Variants in PPP1R14C observed in about 807,000 individuals in gnomAD.
The protein encoded by PPP1R14C is protein phosphatase 1 regulatory subunit 14C.
A neutral mutation model predicts 20.4 loss-of-function variants in PPP1R14C; 16 were observed. The observed-to-expected ratio is 0.78, with a 90% CI of 0.53 to 1.19. The LOEUF (loss-of-function observed/expected upper bound fraction) is 1.19, where lower values mean the gene tolerates loss of function less well. Ranked by LOEUF, PPP1R14C falls within the 50% of genes most tolerant of loss-of-function variation. The probability of loss-of-function intolerance (pLI) is 0.00; values close to 1 mark genes in which losing one functional copy is unlikely to be tolerated. For synonymous variants in PPP1R14C, 91 were observed against 91.0 expected (o/e 1.00, Z 0.00); for missense variants, 211 against 220.1 (o/e 0.96, Z 0.26).
At chr6:150,161,007 C>T (rs957680328) in intron 1 of PPP1R14C, among the ~76,000 whole-genome samples, 2 of 152,042 alleles carry the variant, frequency 1.3e-5, no homozygotes, top group Non-Finnish European at 2.9e-5. Flanking sequence ...TGGCCGGGTG[C>T]GGTGGCTCAT....
chr6:150,219,305 C>T (rs369515943), intron 3 of PPP1R14C, among the ~76,000 whole-genome samples: 3 of 151,950 alleles, frequency 2.0e-5, no homozygotes, highest in South Asian at 4.2e-4. Context: ...CTTGGCTCAC[C>T]GCAACCTCTG....
intron 1 of PPP1R14C, among the ~76,000 whole-genome samples, chr6:150,187,061 C>T (rs571374921): frequency 3.3e-5 from 5 of 151,780 alleles, no homozygotes; most frequent in Admixed American, 6.6e-5. Flanking sequence ...CTGCAACCTT[C>T]GCCTCCTGGG....
chr6:150,181,114 C>T (rs772205775), intron 1 of PPP1R14C, among the ~76,000 whole-genome samples: 5 of 152,210 alleles, frequency 3.3e-5, no homozygotes, highest in African/African-American at 7.2e-5. Context: ...TATTTATCCC[C>T]GCTTTAGTCT....
Position 150,249,533 on chromosome 6 carries a change from C to G in PPP1R14C, c.*713C>G, listed in dbSNP as rs1190415565. On this transcript the variant is annotated 3_prime_UTR_variant, in exon 4 of 4. Coordinates refer to ENST00000361131, the MANE Select transcript of PPP1R14C (RefSeq NM_030949.3). ...TTATTTCATTGGTTGGGATGCTTTGCCAGGTCATGTGCTTATTGTCTCATT... is the reference window on the plus strand; with the variant it reads ...TTATTTCATTGGTTGGGATGCTTTGGCAGGTCATGTGCTTATTGTCTCATT... The G allele has an allele frequency of 7.5e-6, 3 of 398,430 alleles. No homozygotes were observed. Among genetic ancestry groups the G allele is most frequent in the East Asian group, 3.6e-5 (1 of 28,074 alleles). The allele number at this position is 398,430 out of a possible 1,614,324, so 24.7% of individuals were successfully genotyped here.
intron 1 of PPP1R14C, among the ~76,000 whole-genome samples, chr6:150,193,763 C>A (rs9371811): frequency 1.3e-5 from 2 of 152,090 alleles, no homozygotes; most frequent in Non-Finnish European, 2.9e-5. Context: ...AAAGCTCATT[C>A]CCCATTTCCT....
At chr6:150,183,759 G>C (rs1185255106) in intron 1 of PPP1R14C, among the ~76,000 whole-genome samples, 10 of 151,954 alleles carry the variant, frequency 6.6e-5, no homozygotes, top group African/African-American at 2.4e-4. Flanking sequence ...GATCCACCCA[G>C]CCTCCCAAAA....
At chr6:150,217,866 G>A (rs143051346) in intron 3 of PPP1R14C, among the ~76,000 whole-genome samples, 161 of 152,318 alleles carry the variant, frequency 1.1e-3, no homozygotes, top group Non-Finnish European at 1.9e-3. Context: ...AGGAAAGCAT[G>A]CTTTTACAAG....
intron 3 of PPP1R14C, among the ~76,000 whole-genome samples, chr6:150,239,374 G>A (rs1383274998): frequency 6.6e-6 from 1 of 152,308 alleles, no homozygotes; most frequent in South Asian, 2.1e-4. Flanking sequence ...GCCATACAAA[G>A]TGTGTTCTTT....
At chr6:150,146,117 C>G (rs2114847078) in intron 1 of PPP1R14C, among the ~76,000 whole-genome samples, 1 of 152,292 alleles carries the variant, frequency 6.6e-6, no homozygotes, top group Middle Eastern at 3.4e-3. Context: ...ACTAGGTGCT[C>G]TTCTAGGTAC....
At chr6:150,189,782 A>G (rs1350430509) in intron 1 of PPP1R14C, among the ~76,000 whole-genome samples, 1 of 152,188 alleles carries the variant, frequency 6.6e-6, no homozygotes, top group Non-Finnish European at 1.5e-5. Context: ...ATTATCAAGC[A>G]CACCTCTGGA....
chr6:150,196,406 G>A (rs1456197011), intron 1 of PPP1R14C, among the ~76,000 whole-genome samples: 1 of 151,888 alleles, frequency 6.6e-6, no homozygotes, highest in Middle Eastern at 3.5e-3. Context: ...TTTAGCAGAA[G>A]TAGTAGCAAG....
chr6:150,218,220 G>A (rs1365962773), intron 3 of PPP1R14C, among the ~76,000 whole-genome samples: 2 of 152,028 alleles, frequency 1.3e-5, no homozygotes, highest in Admixed American at 6.6e-5. Context: ...TGGCTAACAC[G>A]GTGAAACCCC....
At chr6:150,195,037 A>G (rs1177265096) in intron 1 of PPP1R14C, 2 of 985,196 alleles carry the variant, frequency 2.0e-6, no homozygotes, top group Non-Finnish European at 1.2e-6. Context: ...GTTACTAGTT[A>G]TAGCCTTTTG....
chr6:150,150,615 C>A (rs1483005127), intron 1 of PPP1R14C, among the ~76,000 whole-genome samples: 1 of 152,094 alleles, frequency 6.6e-6, no homozygotes, highest in African/African-American at 2.4e-5. Context: ...ATGCTTTGGC[C>A]ACATGGTTTA....
intron 1 of PPP1R14C, among the ~76,000 whole-genome samples, chr6:150,179,282 T>C (rs751792448): frequency 1.3e-5 from 2 of 152,086 alleles, no homozygotes; most frequent in Admixed American, 6.5e-5. Context: ...TGCTAGCTAC[T>C]CAGGAGGCTG....
chr6:150,223,003 A>G (rs1195942187), intron 3 of PPP1R14C, among the ~76,000 whole-genome samples: 1 of 152,022 alleles, frequency 6.6e-6, no homozygotes, highest in Non-Finnish European at 1.5e-5. Context: ...TCCTGACCTC[A>G]GGTGATGTGC....
At chr6:150,229,802 T>C (rs575140330) in intron 3 of PPP1R14C, among the ~76,000 whole-genome samples, 23 of 152,110 alleles carry the variant, frequency 1.5e-4, no homozygotes, top group Non-Finnish European at 3.1e-4. Context: ...TCCTTTCAGA[T>C]AATGAAAAAT....
intron 3 of PPP1R14C, among the ~76,000 whole-genome samples, chr6:150,218,733 C>T (rs1271386493): frequency 6.6e-6 from 1 of 152,048 alleles, no homozygotes; most frequent in African/African-American, 2.4e-5. Context: ...CCTGCAGCCT[C>T]GAACTCCTGT....
intron 3 of PPP1R14C, among the ~76,000 whole-genome samples, chr6:150,241,044 C>A (rs1010781264): frequency 2.6e-5 from 4 of 152,156 alleles, no homozygotes; most frequent in African/African-American, 7.2e-5. Flanking sequence ...TGAGGCATGT[C>A]TTGGTGGGCA....
Sources: allele counts gnomAD v4.1 joint callset (sites outside exome capture counted in the v4.1 genomes callset), GRCh38; gene constraint gnomAD v4.1.1; transcripts MANE v1.5; gene names NCBI Gene and HGNC (gene_info 2026-07-23, HGNC 2026-07-21).